FBN2: variants seen among roughly 807,000 people sequenced by gnomAD.
The protein encoded by FBN2 is fibrillin-2.
FBN2 carries 105 observed loss-of-function variants against 355.6 expected under a neutral mutation model. The observed-to-expected ratio is 0.30, with a 90% CI of 0.25 to 0.35. The LOEUF is 0.35. Among genes scored for constraint, FBN2 ranks in the 10% least tolerant of loss-of-function variants. FBN2 has a pLI of 1.00. For synonymous variants in FBN2, 1,350 were observed against 1,301.2 expected, an observed-to-expected ratio of 1.04 and a Z score of -0.81; for missense variants, 3,280 against 3,758.7, an observed-to-expected ratio of 0.87 and a Z score of 3.33.
At chr5:128,398,645 A>T (rs550820753) in intron 8 of FBN2, among the ~76,000 whole-genome samples, 5 of 152,226 alleles carry the variant, frequency 3.3e-5, no homozygotes, top group African/African-American at 1.2e-4. Flanking sequence ...CGTTAAAAAG[A>T]GGTTAAGAAA....
chr5:128,462,620 T>C (rs1754587438), intron 6 of FBN2, among the ~76,000 whole-genome samples: 1 of 152,182 alleles, frequency 6.6e-6, no homozygotes, highest in African/African-American at 2.4e-5. Context: ...TAAGTAATCC[T>C]TCAGACATTA....
rs778768540 is a variant in FBN2, at chr5:128,351,026, T to C, written c.2675-21A>G. 5.6e-6 allele frequency: 9 copies of C among 1,613,854 alleles called. No homozygotes were observed. The Middle Eastern group carries it at 6.6e-4, about 118-fold the overall frequency. ...GCTGTCTGAAAAGGAACAGGAAAGG[T>C]TGGGGAGCTCTTACCTCTGAAGAAA... On this transcript the variant is annotated intron_variant, in intron 20 of 64. Coordinates refer to ENST00000262464, the MANE Select transcript of FBN2 (RefSeq NM_001999.4).
intron 23 of FBN2, among the ~76,000 whole-genome samples, 169 bp downstream of exon 23, chr5:128,349,178 C>T (rs962347564): frequency 6.6e-6 from 1 of 152,200 alleles, no homozygotes; most frequent in African/African-American, 2.4e-5. Flanking sequence ...AACAATTTCG[C>T]ATAAATACAT....
chr5:128,328,750 G>T lies in FBN2; in HGVS notation c.4417C>A (p.Arg1473Ser). 1 of 1,614,106 alleles carries T rather than the reference G, an allele frequency of 6.2e-7. No individual in the cohort carries two copies. Among genetic ancestry groups the T allele is most frequent in the African/African-American group, 1.3e-5 (1 of 75,030 alleles). ...GTGAAGCCCATCTCACACTCGCAGC[G>T]ATATGCACCCGGGACATTAAGGCAC... ...GQCLNVPGAY[R>S]CECEMGFTPA... The change falls in exon 34 of 65, where the codon CGC (arginine) becomes AGC (serine). Residue 1473 changes from arginine (R) to serine (S), a missense_variant. This residue lies in a region of FBN2 where 2,284 missense variants were observed against 2,749.5 expected (regional missense o/e 0.83). Transcript: ENST00000262464.
chr5:128,293,575 A>G (rs1334372797), intron 48 of FBN2, among the ~76,000 whole-genome samples: 1 of 152,208 alleles, frequency 6.6e-6, no homozygotes, highest in Non-Finnish European at 1.5e-5. Flanking sequence ...GGAAAACGAA[A>G]TATTTCTGAA....
intron 17 of FBN2, 77 bp downstream of exon 17, chr5:128,366,300 T>A: frequency 1.4e-6 from 1 of 701,622 alleles, no homozygotes; most frequent in East Asian, 2.9e-5. Flanking sequence ...TTAAATATAC[T>A]CATATTAATA....
Position 128,376,809 on chromosome 5 carries a change from A to C in FBN2, c.1894T>G (p.Cys632Gly). The change falls in exon 14 of 65, where the codon TGC (cysteine) becomes GGC (glycine). Residue 632 changes from cysteine to glycine, a missense_variant. By Grantham distance (159) the Cys-to-Gly change is radical. This residue lies in a region of FBN2 where 2,284 missense variants were observed against 2,749.5 expected (regional missense o/e 0.83). Transcript: ENST00000262464. ...TTTNMCLNGM[C>G]INEDGSFKCI... is the part of the protein sequence containing the mutation. ...TTGAAGCTGCCATCTTCATTGATGCACATTCCATTCAAACACATGTTGGTA... is the reference window on the plus strand; with the variant it reads ...TTGAAGCTGCCATCTTCATTGATGCCCATTCCATTCAAACACATGTTGGTA... 1 of 1,613,658 alleles carries C rather than the reference A, an allele frequency of 6.2e-7. No individual in the cohort carries two copies. Among genetic ancestry groups the C allele is most frequent in the African/African-American group, 1.3e-5 (1 of 75,016 alleles).
chr5:128,389,799 G>A (rs1752463881), intron 11 of FBN2, among the ~76,000 whole-genome samples: 1 of 152,158 alleles, frequency 6.6e-6, no homozygotes, highest in Admixed American at 6.5e-5. Context: ...TCAGGGTCAG[G>A]AACAAGTCCT....
At chr5:128,304,434 C>T (rs976514545) in intron 45 of FBN2, among the ~76,000 whole-genome samples, 3 of 152,178 alleles carry the variant, frequency 2.0e-5, no homozygotes, top group Admixed American at 1.3e-4. Context: ...AAGAGTTTGG[C>T]TATATTTGCT....
chr5:128,407,335 T>C (rs1752952371), intron 8 of FBN2, among the ~76,000 whole-genome samples: 2 of 152,212 alleles, frequency 1.3e-5, no homozygotes, highest in South Asian at 2.1e-4. Context: ...AGAAGGACCA[T>C]ATGACATATT....
chr5:128,537,524 G>T lies in FBN2; in HGVS notation c.80C>A (p.Ala27Asp), dbSNP rs1188867955. The T allele has an allele frequency of 6.3e-7, 1 of 1,578,724 alleles. No individual in the cohort carries two copies. The highest frequency in any genetic ancestry group is 8.6e-7 in the Non-Finnish European group (1 of 1,165,466). ...GGGCGGAGGAGGCTGAGGCTGGCCG[G>T]CCGTGCCCTGCGCCCAGAGCACCAC... Reference protein sequence around the residue: ...GCVVLWAQGTAGQPQPPPPKP... With the variant: ...GCVVLWAQGTDGQPQPPPPKP... The change falls in exon 1 of 65, where the codon GCC becomes GAC. Residue 27 changes from alanine to aspartate, a missense_variant. Around this residue, in one of 6 missense-constraint regions of FBN2, gnomAD observed 203 missense variants for 142.2 expected, o/e 1.43. Coordinates refer to ENST00000262464, the MANE Select transcript of FBN2 (RefSeq NM_001999.4).
chr5:128,276,118 A>G lies in FBN2; in HGVS notation c.7514T>C (p.Ile2505Thr). 2 of 1,613,634 alleles carry G rather than the reference A, an allele frequency of 1.2e-6. No individual in the cohort carries two copies. ...CSQSPKPCNY[I>T]CKNTEGSYQC... Reference sequence around the variant, plus strand: ...ATAACTCCCCTCAGTGTTCTTGCAGATGTAGTTGCATGGTTTCGGGGACTG... The same window carrying G: ...ATAACTCCCCTCAGTGTTCTTGCAGGTGTAGTTGCATGGTTTCGGGGACTG... Residue 2505 changes from isoleucine to threonine, a missense_variant, in exon 59 of 65, where the codon ATC (isoleucine) becomes ACC (threonine). By Grantham distance (89) the Ile-to-Thr change is moderately conservative (BLOSUM62 -1). Transcript: ENST00000262464.
intron 5 of FBN2, among the ~76,000 whole-genome samples, chr5:128,494,009 CAGAG>C (rs57358084): frequency 0.33 from 50,076 of 151,732 alleles, 13,146 homozygotes; most frequent in African/African-American, 0.74. Flanking sequence ...TTCTGCGAGA[CAGAG>C]AGCTTTGTTT....
At chr5:128,445,967 T>C (rs983911161) in intron 7 of FBN2, 3 of 153,878 alleles carry the variant, frequency 1.9e-5, no homozygotes, top group African/African-American at 4.8e-5. Flanking sequence ...CTATTCTTTA[T>C]TGAGATATTT....
rs545804280 is a variant in FBN2 at position 128,258,616 on chromosome 5, C to T, written c.*839G>A. The T allele has an allele frequency of 6.6e-6, 1 of 152,556 alleles. No individual in the cohort carries two copies. Among genetic ancestry groups the T allele is most frequent in the Non-Finnish European group, 1.5e-5 (1 of 68,042 alleles). 9.5% of individuals were successfully genotyped at this position (152,556 alleles called of 1,614,324 possible). ...TAAGAATGAGGTGTTGTGGGTAGCA[C>T]ATATGGTTCCTTGAGGTTATGAGAA... On this transcript the variant is annotated 3_prime_UTR_variant, in exon 65 of 65. Transcript: ENST00000262464.
At position 128,313,876 on chromosome 5, in the gene FBN2, A is replaced by AAC. The variant is rs1554120603; in HGVS notation, c.4718-1082_4718-1081insGT. On this transcript the variant is annotated intron_variant, in intron 36 of 64. Transcript: ENST00000262464. The stretch of plus-strand genomic sequence containing the variant: ...TCAAAAAAAAAAAAAAAAAAAAAAA[A>AAC]CATATCTGGAATCTGTCTACTTACC... Among the ~76,000 whole-genome samples the AAC allele has an allele frequency of 5.8e-3, 875 of 149,788 alleles. 14 individuals are homozygous for AAC. Among genetic ancestry groups the AAC allele is most frequent in the African/African-American group, 0.021 (825 of 40,218 alleles).
At chr5:128,452,152 A>T (rs1388154290) in intron 6 of FBN2, among the ~76,000 whole-genome samples, 1 of 152,174 alleles carries the variant, frequency 6.6e-6, no homozygotes, top group Non-Finnish European at 1.5e-5. Flanking sequence ...AGCATGCCTC[A>T]AGCCTTCAAA....
At chr5:128,421,559 G>T (rs563382711) in intron 7 of FBN2, among the ~76,000 whole-genome samples, 7 of 152,136 alleles carry the variant, frequency 4.6e-5, no homozygotes, top group Non-Finnish European at 8.8e-5. Context: ...ACTGTCTAGA[G>T]TAAGTCTTTG....
At chr5:128,452,522 G>T (rs1385781136) in intron 6 of FBN2, among the ~76,000 whole-genome samples, 2 of 151,892 alleles carry the variant, frequency 1.3e-5, no homozygotes, top group African/African-American at 2.4e-5. Flanking sequence ...ATTATTATTA[G>T]ATGATATATT....
Sources: allele counts gnomAD v4.1 joint callset (sites outside exome capture counted in the v4.1 genomes callset), GRCh38; gene constraint gnomAD v4.1.1; regional missense constraint gnomAD v4.1.1; transcripts MANE v1.5; gene names NCBI Gene and HGNC (gene_info 2026-07-23, HGNC 2026-07-21).